RALYL: variants seen among roughly 807,000 people sequenced by gnomAD.
RALYL encodes the protein RNA-binding Raly-like protein.
A neutral mutation model predicts 35.1 loss-of-function variants in RALYL; 29 were observed. That is an observed-to-expected ratio of 0.83 (90% CI 0.61 to 1.13). The LOEUF (loss-of-function observed/expected upper bound fraction) is 1.13, where lower values mean the gene tolerates loss of function less well. Ranked by LOEUF, RALYL falls within the 50% of genes most tolerant of loss-of-function variation. The probability of loss-of-function intolerance (pLI) is 0.00; values close to 1 mark genes in which losing one functional copy is unlikely to be tolerated. For missense variants in RALYL, 359 were observed against 360.4 expected (o/e 1.00, Z 0.03); for synonymous variants, 120 against 127.6 (o/e 0.94, Z 0.40).
At chr8:84,277,150 T>C (rs1191416633) in intron 1 of RALYL, among the ~76,000 whole-genome samples, 1 of 152,146 alleles carries the variant, frequency 6.6e-6, no homozygotes, top group Non-Finnish European at 1.5e-5. Flanking sequence ...TGAAACTGGG[T>C]AATTTATGAA....
chr8:84,913,756 A>G (rs772066229), intron 8 of RALYL, among the ~76,000 whole-genome samples: 1 of 151,998 alleles, frequency 6.6e-6, no homozygotes, highest in Non-Finnish European at 1.5e-5. Flanking sequence ...TTGAGTGTTA[A>G]AAGTGTTTTG....
chr8:84,308,532 C>T (rs1302715111), intron 1 of RALYL, among the ~76,000 whole-genome samples: 1 of 152,140 alleles, frequency 6.6e-6, no homozygotes, highest in African/African-American at 2.4e-5. Context: ...CCTTGAATAA[C>T]ATTGAGGTCA....
chr8:84,260,109 T>C (rs563034528), intron 1 of RALYL, among the ~76,000 whole-genome samples: 2 of 152,180 alleles, frequency 1.3e-5, no homozygotes, highest in East Asian at 1.9e-4. Flanking sequence ...TGAAGAAGAG[T>C]TAAGACCATG....
chr8:84,876,527 A>G (rs1226873986), intron 7 of RALYL, among the ~76,000 whole-genome samples: 1 of 151,164 alleles, frequency 6.6e-6, no homozygotes, highest in Non-Finnish European at 1.5e-5. Context: ...TTACGCAAAG[A>G]TGTTAAGTGA....
intron 1 of RALYL, among the ~76,000 whole-genome samples, chr8:84,290,192 A>G: frequency 6.6e-6 from 1 of 152,186 alleles, no homozygotes; most frequent in East Asian, 1.9e-4. Flanking sequence ...CCTCTCTCCC[A>G]GCAACAACCA....
intron 2 of RALYL, among the ~76,000 whole-genome samples, chr8:84,652,536 C>A (rs567702381): frequency 4.6e-5 from 7 of 152,130 alleles, no homozygotes; most frequent in African/African-American, 1.7e-4. Context: ...TCCTATGTCC[C>A]TATCTGTGCT....
intron 1 of RALYL, among the ~76,000 whole-genome samples, chr8:84,246,297 C>T (rs1203749214): frequency 6.6e-6 from 1 of 151,992 alleles, no homozygotes; most frequent in Non-Finnish European, 1.5e-5. Context: ...ATGCTCAGAC[C>T]TAAGGCTATA....
intron 1 of RALYL, among the ~76,000 whole-genome samples, chr8:84,452,262 C>G (rs2049571638): frequency 6.7e-6 from 1 of 150,068 alleles, no homozygotes; most frequent in Non-Finnish European, 1.5e-5. Context: ...AAGTTGCTAA[C>G]TAGAGCTCTC....
chr8:84,320,237 C>G (rs1426152320), intron 1 of RALYL, among the ~76,000 whole-genome samples: 1 of 151,922 alleles, frequency 6.6e-6, no homozygotes, highest in Non-Finnish European at 1.5e-5. Flanking sequence ...GTTGTCTGCG[C>G]TAGAGTCATA....
rs997730945 is a variant in RALYL, at chr8:84,510,053, G to T, written c.-23-19246G>T. ...TTGATATCCACAAAGTAATTTCCTG[G>T]AATTTTTATTGAGATTGCATTGAAT... On this transcript the variant is annotated intron_variant, in intron 1 of 8. Transcript: ENST00000521268. Among the ~76,000 whole-genome samples, 4 of 152,136 alleles carry T rather than the reference G, an allele frequency of 2.6e-5. No individual in the cohort carries two copies. The East Asian group carries it at 7.7e-4, about 29-fold the overall frequency.
chr8:84,617,122 T>G (rs948294921), intron 2 of RALYL, among the ~76,000 whole-genome samples: 4 of 150,752 alleles, frequency 2.7e-5, no homozygotes, highest in Admixed American at 1.3e-4. Context: ...TTTCCAATTC[T>G]GTGAAGAAAG....
chr8:84,447,028 A>ATT (rs1288747685), intron 1 of RALYL, among the ~76,000 whole-genome samples: 1 of 152,128 alleles, frequency 6.6e-6, no homozygotes, highest in African/African-American at 2.4e-5. Context: ...AAAGCTTAAA[A>ATT]TGCAGTTCAG....
chr8:84,586,012 T>C (rs1204192017), intron 2 of RALYL, among the ~76,000 whole-genome samples: 2 of 152,106 alleles, frequency 1.3e-5, no homozygotes, highest in African/African-American at 4.8e-5. Flanking sequence ...CTGACCAACA[T>C]GGTGAAACCC....
chr8:84,272,791 C>A (rs904541975), intron 1 of RALYL, among the ~76,000 whole-genome samples: 1 of 152,162 alleles, frequency 6.6e-6, no homozygotes, highest in Non-Finnish European at 1.5e-5. Context: ...AGTTCAGACT[C>A]ACAACTAGGG....
chr8:84,817,704 G>A (rs1827682916), intron 4 of RALYL, among the ~76,000 whole-genome samples: 1 of 151,954 alleles, frequency 6.6e-6, no homozygotes, highest in Non-Finnish European at 1.5e-5. Flanking sequence ...ATAGGCATGA[G>A]CCACCACACC....
intron 1 of RALYL, among the ~76,000 whole-genome samples, chr8:84,226,505 CGAGTGATTCTCCTGCCTCT>C (rs1309471164): frequency 5.3e-5 from 8 of 152,078 alleles, no homozygotes; most frequent in African/African-American, 1.7e-4. Flanking sequence ...CTCCTGGATT[CGAGTGATTCTCCTGCCTCT>C]GAGTGATTCT....
chr8:84,732,848 A>C (rs980860704), intron 2 of RALYL, among the ~76,000 whole-genome samples: 4 of 151,232 alleles, frequency 2.6e-5, no homozygotes, highest in African/African-American at 9.7e-5. Context: ...AGGGCTCACC[A>C]CCACGCCTGG....
intron 1 of RALYL, among the ~76,000 whole-genome samples, chr8:84,358,290 A>G (rs1363081791): frequency 1.3e-5 from 2 of 152,154 alleles, no homozygotes; most frequent in Admixed American, 1.3e-4. Context: ...TCATTTAATT[A>G]GTTTATAAAG....
intron 1 of RALYL, among the ~76,000 whole-genome samples, chr8:84,238,962 A>G (rs137962830): frequency 0.01 from 1,586 of 152,306 alleles, 6 homozygotes; most frequent in Non-Finnish European, 0.015. Flanking sequence ...TAGTGGTTCT[A>G]CTGTGGACCA....
Sources: allele counts gnomAD v4.1 joint callset (sites outside exome capture counted in the v4.1 genomes callset), GRCh38; gene constraint gnomAD v4.1.1; transcripts MANE v1.5; gene names NCBI Gene and HGNC (gene_info 2026-07-23, HGNC 2026-07-21).